B3GLCT: variants seen among roughly 807,000 people sequenced by gnomAD.
The protein encoded by B3GLCT is beta 3-glucosyltransferase.
Under a neutral mutation model 63.4 loss-of-function variants are expected in B3GLCT, and 65 were observed. The observed-to-expected ratio is 1.03, with a 90% CI of 0.84 to 1.26. The LOEUF (loss-of-function observed/expected upper bound fraction) is 1.26. Ranked by LOEUF, B3GLCT falls within the 50% of genes most tolerant of loss-of-function variation. The probability of loss-of-function intolerance (pLI) is 0.00; values close to 1 mark genes in which losing one functional copy is unlikely to be tolerated. For synonymous variants in B3GLCT, 233 were observed against 219.2 expected, an observed-to-expected ratio of 1.06 and a Z score of -0.55; for missense variants, 577 against 604.8, an observed-to-expected ratio of 0.95 and a Z score of 0.48.
intron 3 of B3GLCT, among the ~76,000 whole-genome samples, chr13:31,223,344 A>G (rs747933820): frequency 1.3e-5 from 2 of 152,184 alleles, no homozygotes; most frequent in Non-Finnish European, 2.9e-5. Flanking sequence ...AAGGACCCAC[A>G]TGATGTGGGA....
intron 3 of B3GLCT, 22 bp downstream of exon 3, chr13:31,223,013 C>G: frequency 7.0e-7 from 1 of 1,425,264 alleles, no homozygotes; most frequent in Non-Finnish European, 9.9e-7. Context: ...TTTTTTTTAC[C>G]TAAGAGTGTG....
At chr13:31,245,277 T>C (rs1871146685) in intron 4 of B3GLCT, among the ~76,000 whole-genome samples, 1 of 152,176 alleles carries the variant, frequency 6.6e-6, no homozygotes, top group Non-Finnish European at 1.5e-5. Flanking sequence ...AAGGAAGCCT[T>C]TTCTCAGTTA....
intron 12 of B3GLCT, among the ~76,000 whole-genome samples, chr13:31,314,616 T>C (rs1238220886): frequency 6.6e-6 from 1 of 152,194 alleles, no homozygotes; most frequent in Non-Finnish European, 1.5e-5. Context: ...TGCTTTTGAT[T>C]TTACAGGCTC....
At chr13:31,205,030 A>C (rs570920512) in intron 1 of B3GLCT, among the ~76,000 whole-genome samples, 5 of 152,314 alleles carry the variant, frequency 3.3e-5, no homozygotes, top group African/African-American at 4.8e-5. Flanking sequence ...AAGTACTTAC[A>C]CAATTTTTTG....
At chr13:31,222,074 ATTTTTTTTT>A (rs5802597) in intron 2 of B3GLCT, among the ~76,000 whole-genome samples, 16 of 92,956 alleles carry the variant, frequency 1.7e-4, no homozygotes, top group African/African-American at 5.1e-4. Flanking sequence ...TGTGCTCCTG[ATTTTTTTTT>A]TTTTTTTTTT....
rs192884803 is a variant in B3GLCT, at chr13:31,244,739, A to G, written c.271-2284A>G. 3.9e-5 allele frequency among the ~76,000 whole-genome samples: 6 copies of G among 152,232 alleles called. No individual in the cohort carries two copies. The East Asian group carries it at 1.2e-3, about 29-fold the overall frequency. On this transcript the variant is annotated intron_variant, in intron 4 of 14. Transcript: ENST00000343307. ...TGTTTGGGTCTCTGTGTGCATTCAT[A>G]TATATATATGTGTATATATGTGTGT...
chr13:31,266,005 C>CT (rs777718886), intron 7 of B3GLCT, among the ~76,000 whole-genome samples: 570 of 146,522 alleles, frequency 3.9e-3, no homozygotes, highest in Non-Finnish European at 5.3e-3. Context: ...GACTTAACTT[C>CT]TTTTTTTTTT....
chr13:31,262,344 A>G (rs1297680597), intron 7 of B3GLCT, among the ~76,000 whole-genome samples: 3 of 152,206 alleles, frequency 2.0e-5, no homozygotes, highest in African/African-American at 4.8e-5. Context: ...CGACTCACGC[A>G]CTCAGTCCTG....
At chr13:31,246,733 C>T (rs1283182752) in intron 4 of B3GLCT, among the ~76,000 whole-genome samples, 1 of 152,140 alleles carries the variant, frequency 6.6e-6, no homozygotes, top group Non-Finnish European at 1.5e-5. Flanking sequence ...CTCGGAGTCA[C>T]GGAAGACCCT....
chr13:31,242,504 G>A (rs570913721), intron 4 of B3GLCT, among the ~76,000 whole-genome samples: 1 of 152,296 alleles, frequency 6.6e-6, no homozygotes, highest in South Asian at 2.1e-4. Context: ...CAAGTGCCTG[G>A]CATGTATTAA....
intron 4 of B3GLCT, among the ~76,000 whole-genome samples, chr13:31,241,936 C>T (rs187077873): frequency 5.7e-4 from 87 of 152,204 alleles, no homozygotes; most frequent in Admixed American, 2.1e-3. Context: ...GAGTTGGAAA[C>T]GACAGTAGTT....
chr13:31,329,365 T>C, intron 14 of B3GLCT, 136 bp from the exon 15 acceptor site: 1 of 959,240 alleles, frequency 1.0e-6, no homozygotes, highest in Middle Eastern at 2.1e-4. Context: ...GAAAATAGTT[T>C]CCTTTTTGCT....
rs776965440 is a variant in B3GLCT at position 31,274,608 on chromosome 13, C to T, written c.760C>T (p.His254Tyr). 2 of 1,614,228 alleles carry T rather than the reference C, an allele frequency of 1.2e-6. No homozygotes were observed. Among genetic ancestry groups the T allele is most frequent in the South Asian group, 2.2e-5 (2 of 91,090 alleles). Residue 254 changes from histidine (H) to tyrosine (Y), a missense_variant, in exon 9 of 15, where the codon CAT becomes TAT. Transcript: ENST00000343307. ...DVDFYCATTF[H>Y]SFLPLCRKPV... ...GGACTTCTACTGTGCTACCACATTC[C>T]ATTCTTTTCTACCGCTTTGTGTGAG...
chr13:31,292,567 A>G (rs939568800), intron 12 of B3GLCT, among the ~76,000 whole-genome samples: 3 of 152,008 alleles, frequency 2.0e-5, no homozygotes, highest in African/African-American at 7.2e-5. Flanking sequence ...GAATTTATCC[A>G]TTTCTTCTAG....
chr13:31,240,549 T>C (rs990583791), intron 4 of B3GLCT, among the ~76,000 whole-genome samples: 6 of 151,122 alleles, frequency 4.0e-5, no homozygotes. Flanking sequence ...AAGCCTTTCA[T>C]AGATTAGTGT....
At chr13:31,277,916 C>T (rs1001151469) in intron 10 of B3GLCT, among the ~76,000 whole-genome samples, 1 of 152,032 alleles carries the variant, frequency 6.6e-6, no homozygotes, top group Non-Finnish European at 1.5e-5. Flanking sequence ...ATCAGTATAG[C>T]AGTTAAAATA....
Position 31,247,982 on chromosome 13 carries a change from A to G in B3GLCT, c.459+16A>G. The G allele has an allele frequency of 1.5e-6, 2 of 1,327,670 alleles. No individual in the cohort carries two copies. The highest frequency in any genetic ancestry group is 2.3e-5 in the East Asian group (1 of 43,326). 82.2% of individuals were successfully genotyped at this position (1,327,670 alleles called of 1,614,324 possible). The stretch of plus-strand genomic sequence containing the variant: ...CCCCTCTAAGGTGAATATAACTTCA[A>G]TACCAGTTCTTATTTTGGGGGACAG... On this transcript the variant is annotated intron_variant, in intron 6 of 14. Transcript: ENST00000343307.
chr13:31,253,911 A>G (rs200146422), intron 6 of B3GLCT, among the ~76,000 whole-genome samples: 2 of 152,338 alleles, frequency 1.3e-5, no homozygotes, highest in South Asian at 2.1e-4. Context: ...AAACAACTCT[A>G]TGCAAATAAA....
At chr13:31,291,588 T>G (rs1037934204) in intron 12 of B3GLCT, among the ~76,000 whole-genome samples, 1 of 152,226 alleles carries the variant, frequency 6.6e-6, no homozygotes, top group Admixed American at 6.5e-5. Flanking sequence ...TTGTAGCAAT[T>G]GTGAATGGCA....
Sources: gnomAD v4.1 joint callset for allele counts (sites outside exome capture counted in the v4.1 genomes callset) on GRCh38, gnomAD v4.1.1 for gene constraint, MANE v1.5 for transcripts, NCBI Gene and HGNC (gene_info 2026-07-23, HGNC 2026-07-21) for gene names.